FOXP1: variants seen among roughly 807,000 people sequenced by gnomAD.
The protein encoded by FOXP1 is forkhead box protein P1.
In FOXP1, 15 loss-of-function variants were observed where a neutral mutation model predicts 98.2. That is an observed-to-expected ratio of 0.15 (90% CI 0.10 to 0.24). The LOEUF is 0.24. FOXP1 is among the 10% of genes least tolerant of loss of function. FOXP1 has a pLI of 1.00. For missense variants in FOXP1, 633 were observed against 848.5 expected (o/e 0.75, Z 3.15); for synonymous variants, 371 against 314.5 (o/e 1.18, Z -1.90).
At chr3:70,976,814 A>C (rs2037661869) in intron 17 of FOXP1, 127 bp downstream of exon 17, 2 of 712,460 alleles carry the variant, frequency 2.8e-6, no homozygotes, top group South Asian at 1.5e-5. Context: ...ACACCTAGAG[A>C]TTGGACACTT....
At chr3:71,009,549 G>A (rs1576117298) in intron 12 of FOXP1, among the ~76,000 whole-genome samples, 1 of 152,162 alleles carries the variant, frequency 6.6e-6, no homozygotes, top group African/African-American at 2.4e-5. Context: ...TTCTATTACA[G>A]AACAATTTCT....
At chr3:71,073,189 A>G (rs2053454757) in intron 7 of FOXP1, among the ~76,000 whole-genome samples, 1 of 152,214 alleles carries the variant, frequency 6.6e-6, no homozygotes, top group Non-Finnish European at 1.5e-5. Flanking sequence ...GAACACATCT[A>G]TGTAATGTCA....
chr3:71,128,697 A>G (rs2059384220), intron 6 of FOXP1, among the ~76,000 whole-genome samples: 1 of 152,168 alleles, frequency 6.6e-6, no homozygotes, highest in African/African-American at 2.4e-5. Context: ...ACACACACAT[A>G]CACCACACAG....
intron 4 of FOXP1, among the ~76,000 whole-genome samples, chr3:71,307,377 T>G (rs1429859015): frequency 6.6e-6 from 1 of 152,178 alleles, no homozygotes; most frequent in Non-Finnish European, 1.5e-5. Context: ...ACTGAAAAGT[T>G]TTAAAATATT....
chr3:71,366,373 T>C (rs531162215), intron 3 of FOXP1, among the ~76,000 whole-genome samples: 1 of 152,302 alleles, frequency 6.6e-6, no homozygotes, highest in South Asian at 2.1e-4. Flanking sequence ...TAGGTTGTAG[T>C]CATTAAAAAT....
intron 2 of FOXP1, chr3:71,574,432 T>C (rs1464635768): frequency 2.6e-5 from 4 of 152,228 alleles, no homozygotes; most frequent in Admixed American, 2.6e-4. Context: ...AAGCCCTGAA[T>C]ATTTAAATAA....
chr3:71,201,542 G>A (rs2063673184), intron 5 of FOXP1, among the ~76,000 whole-genome samples: 1 of 152,126 alleles, frequency 6.6e-6, no homozygotes, highest in African/African-American at 2.4e-5. Context: ...AGCTACTCGG[G>A]AGGCTGAGGC....
chr3:71,000,845 A>AAAATG (rs1295925524), intron 13 of FOXP1, 127 bp downstream of exon 13: 13 of 412,220 alleles, frequency 3.2e-5, no homozygotes, highest in South Asian at 5.9e-5. Flanking sequence ...AAAATAAAAT[A>AAAATG]AAGGACAATG....
chr3:71,020,645 G>T (rs2107788910), intron 11 of FOXP1, among the ~76,000 whole-genome samples: 1 of 152,304 alleles, frequency 6.6e-6, no homozygotes, highest in South Asian at 2.1e-4. Flanking sequence ...ATGAAGCAAA[G>T]AGTGACCTTG....
intron 4 of FOXP1, among the ~76,000 whole-genome samples, chr3:71,338,520 C>A (rs1560332027): frequency 6.6e-6 from 1 of 152,186 alleles, no homozygotes; most frequent in Non-Finnish European, 1.5e-5. Flanking sequence ...CTCCATCTCC[C>A]AGGTCCATGC....
At chr3:71,033,259 A>G (rs1010067134) in intron 11 of FOXP1, among the ~76,000 whole-genome samples, 1 of 152,162 alleles carries the variant, frequency 6.6e-6, no homozygotes, top group Non-Finnish European at 1.5e-5. Flanking sequence ...CTACCTTACA[A>G]GGTGAAAGAA....
chr3:71,130,959 T>G (rs2059537403), intron 6 of FOXP1: 1 of 1,207,666 alleles, frequency 8.3e-7, no homozygotes, highest in Non-Finnish European at 1.0e-6. Context: ...CACAGCTCAT[T>G]CACGCAGACA....
chr3:71,503,117 C>CT (rs2041530092), intron 2 of FOXP1, among the ~76,000 whole-genome samples: 1 of 152,086 alleles, frequency 6.6e-6, no homozygotes, highest in African/African-American at 2.4e-5. Context: ...CCAATGGTCC[C>CT]TGAAGTAGGA....
At chr3:71,331,519 G>A (rs915495499) in intron 4 of FOXP1, among the ~76,000 whole-genome samples, 5 of 152,260 alleles carry the variant, frequency 3.3e-5, no homozygotes, top group East Asian at 1.9e-4. Context: ...CTCCACCTGC[G>A]GCCCCGGTGC....
intron 6 of FOXP1, among the ~76,000 whole-genome samples, chr3:71,158,602 G>A (rs1344715654): frequency 1.3e-5 from 2 of 151,802 alleles, no homozygotes; most frequent in African/African-American, 4.8e-5. Flanking sequence ...ACAGGCAACA[G>A]AGAAAGTCTT....
At chr3:71,180,757 G>C (rs1560074289) in intron 6 of FOXP1, among the ~76,000 whole-genome samples, 1 of 152,112 alleles carries the variant, frequency 6.6e-6, no homozygotes. Context: ...ATTGCGTAAT[G>C]CCAGTAAAAG....
At chr3:71,236,570 G>GTA (rs1346044037) in intron 5 of FOXP1, among the ~76,000 whole-genome samples, 1 of 152,170 alleles carries the variant, frequency 6.6e-6, no homozygotes, top group African/African-American at 2.4e-5. Context: ...TAGCAGCCAC[G>GTA]TATAAACAAG....
chr3:71,080,333 T>G (rs2054276975), intron 7 of FOXP1, among the ~76,000 whole-genome samples: 1 of 152,186 alleles, frequency 6.6e-6, no homozygotes, highest in Non-Finnish European at 1.5e-5. Flanking sequence ...AATTAACACC[T>G]TTAGAAGTTT....
chr3:71,027,198 G>C (rs1448865044), intron 11 of FOXP1, among the ~76,000 whole-genome samples: 1 of 152,102 alleles, frequency 6.6e-6, no homozygotes, highest in Non-Finnish European at 1.5e-5. Flanking sequence ...TGAGTCACAA[G>C]GTCTATGTGG....
Sources: gnomAD v4.1 joint callset for allele counts (sites outside exome capture counted in the v4.1 genomes callset) on GRCh38, gnomAD v4.1.1 for gene constraint, MANE v1.5 for transcripts, NCBI Gene and HGNC (gene_info 2026-07-23, HGNC 2026-07-21) for gene names.